Variants in MYOF observed in about 807,000 individuals in gnomAD.
The protein encoded by MYOF is myoferlin.
In MYOF, 244 loss-of-function variants were observed where a neutral mutation model predicts 284.2. That is an observed-to-expected ratio of 0.86 (90% CI 0.77 to 0.95). MYOF has a LOEUF of 0.95. Among genes scored for constraint, MYOF ranks in the 40% least tolerant of loss-of-function variants. The pLI, the probability that MYOF is intolerant of heterozygous loss-of-function variation, is 0.00. For missense variants in MYOF, 2,496 were observed against 2,560.6 expected, an observed-to-expected ratio of 0.97 and a Z score of 0.54; for synonymous variants, 904 against 919.7, an observed-to-expected ratio of 0.98 and a Z score of 0.31.
intron 24 of MYOF, among the ~76,000 whole-genome samples, chr10:93,369,987 C>T (rs1209983437): frequency 6.6e-6 from 1 of 152,158 alleles, no homozygotes; most frequent in East Asian, 1.9e-4. Flanking sequence ...CCATAGATTC[C>T]TGCCTGTCCC....
At chr10:93,437,422 G>T (rs1274627886) in intron 3 of MYOF, among the ~76,000 whole-genome samples, 1 of 152,162 alleles carries the variant, frequency 6.6e-6, no homozygotes, top group Non-Finnish European at 1.5e-5. Context: ...ACTCAGGGGA[G>T]CTCACGTATA....
intron 5 of MYOF, chr10:93,425,813 C>CG: frequency 1.9e-6 from 1 of 514,952 alleles, no homozygotes; most frequent in Non-Finnish European, 3.5e-6. Flanking sequence ...CTGCTGGAGC[C>CG]GGCATGTGCT....
At chr10:93,383,040 C>T (rs1310096240) in intron 19 of MYOF, among the ~76,000 whole-genome samples, 4 of 152,040 alleles carry the variant, frequency 2.6e-5, no homozygotes, top group East Asian at 3.9e-4. Context: ...GGATTACAGG[C>T]GTGTGTCACC....
intron 5 of MYOF, among the ~76,000 whole-genome samples, chr10:93,420,980 G>A (rs1240660424): frequency 6.6e-6 from 1 of 152,168 alleles, no homozygotes; most frequent in African/African-American, 2.4e-5. Flanking sequence ...CACTTTGGGA[G>A]GCCAAGGCAG....
intron 38 of MYOF, among the ~76,000 whole-genome samples, chr10:93,341,265 T>C (rs1323845784): frequency 1.3e-5 from 2 of 150,482 alleles, no homozygotes; most frequent in African/African-American, 4.9e-5. Context: ...AAATAATAGT[T>C]CATGATTTAA....
chr10:93,431,031 T>TTCTTTC (rs1554862297), intron 4 of MYOF, among the ~76,000 whole-genome samples: 1 of 150,176 alleles, frequency 6.7e-6, no homozygotes, highest in African/African-American at 2.4e-5. Context: ...TTTCTTTTTT[T>TTCTTTC]TTTTTTTTTT....
intron 3 of MYOF, among the ~76,000 whole-genome samples, chr10:93,436,170 GT>G (rs899954540): frequency 1.3e-5 from 2 of 152,112 alleles, no homozygotes; most frequent in African/African-American, 4.8e-5. Context: ...GGGGCTTATG[GT>G]TAACTGGAAA....
At chr10:93,333,952 T>C in intron 41 of MYOF, 39 bp from the exon 42 acceptor site, 1 of 1,598,028 alleles carries the variant, frequency 6.3e-7, no homozygotes, top group Non-Finnish European at 8.5e-7. Flanking sequence ...GGGCCCTGGG[T>C]GGCCCAGGTA....
At chr10:93,323,576 C>T in intron 46 of MYOF, 1 of 560,442 alleles carries the variant, frequency 1.8e-6, no homozygotes, top group South Asian at 2.4e-5. Flanking sequence ...ACTCAGGGGT[C>T]TCTGACGGCT....
chr10:93,441,632 C>A (rs2056259767), intron 3 of MYOF, among the ~76,000 whole-genome samples: 1 of 149,432 alleles, frequency 6.7e-6, no homozygotes, highest in Non-Finnish European at 1.5e-5. Context: ...GGCACGGTCT[C>A]GGCTCACTGC....
chr10:93,346,039 G>T (rs952113444), intron 37 of MYOF, among the ~76,000 whole-genome samples: 2 of 152,040 alleles, frequency 1.3e-5, no homozygotes, highest in African/African-American at 2.4e-5. Flanking sequence ...GAAAAAAAAA[G>T]CCAGGAAAGT....
chr10:93,343,401 A>T (rs905658198), intron 38 of MYOF, among the ~76,000 whole-genome samples: 1 of 152,238 alleles, frequency 6.6e-6, no homozygotes, highest in Non-Finnish European at 1.5e-5. Flanking sequence ...TAGGGGGAAG[A>T]ATCTGGCGTG....
chr10:93,345,181 CT>C lies in MYOF; in HGVS notation c.4250-1250del, dbSNP rs201755988. Among the ~76,000 whole-genome samples the C allele has an allele frequency of 7.3e-3, 1,110 of 152,306 alleles. 5 individuals carry two copies. The highest frequency in any genetic ancestry group is 0.011 in the Non-Finnish European group (753 of 68,028). On this transcript the variant is annotated intron_variant, in intron 37 of 53. Transcript: ENST00000359263. ...ACATAAAGGAGGAGAAACAACAAAC[CT>C]TTTTCGGTACCCACCATGTGCTGGG...
rs60960184 is a variant in MYOF, at chr10:93,463,545, G to T, written c.89-6608C>A. On this transcript the variant is annotated intron_variant, in intron 1 of 53. Coordinates refer to ENST00000359263, the MANE Select transcript of MYOF (RefSeq NM_013451.4). ...CTGCCGAGTAGCTGAGATTACAGGT[G>T]CCCACCACCATGCCCGGCTAATTTT... 6.3e-3 allele frequency among the ~76,000 whole-genome samples: 960 copies of T among 151,478 alleles called. 9 individuals carry two copies. The highest frequency in any genetic ancestry group is 0.022 in the African/African-American group (923 of 41,272).
At chr10:93,344,230 T>C (rs529471848) in intron 37 of MYOF, among the ~76,000 whole-genome samples, 47 of 152,348 alleles carry the variant, frequency 3.1e-4, no homozygotes, top group African/African-American at 9.4e-4. Context: ...TGTCAATACA[T>C]GTCTTTAGAG....
At chr10:93,396,643 A>G (rs2134066343) in intron 15 of MYOF, among the ~76,000 whole-genome samples, 1 of 152,326 alleles carries the variant, frequency 6.6e-6, no homozygotes, top group South Asian at 2.1e-4. Flanking sequence ...GAATTAATCA[A>G]TTATAGGCAC....
chr10:93,444,265 C>T (rs954166092), intron 3 of MYOF, among the ~76,000 whole-genome samples: 9 of 152,166 alleles, frequency 5.9e-5, no homozygotes, highest in East Asian at 1.9e-4. Flanking sequence ...ATCCAACAAA[C>T]GTTTATTTAG....
At chr10:93,385,736 T>C (rs1054085546) in intron 19 of MYOF, among the ~76,000 whole-genome samples, 7 of 152,186 alleles carry the variant, frequency 4.6e-5, no homozygotes, top group Admixed American at 4.6e-4. Flanking sequence ...GCTATTTTGC[T>C]GTCTGTGTTT....
intron 3 of MYOF, among the ~76,000 whole-genome samples, chr10:93,443,388 G>A (rs2056329423): frequency 6.6e-6 from 1 of 151,880 alleles, no homozygotes; most frequent in Non-Finnish European, 1.5e-5. Context: ...AGATTCAAGG[G>A]GAATTCTCTG....
Sources: gnomAD v4.1 joint callset for allele counts (sites outside exome capture counted in the v4.1 genomes callset) on GRCh38, gnomAD v4.1.1 for gene constraint, MANE v1.5 for transcripts, NCBI Gene and HGNC (gene_info 2026-07-23, HGNC 2026-07-21) for gene names.